The following NXPE1 variants were observed in gnomAD, a reference collection of about 807,000 sequenced individuals.
NXPE1 encodes the protein NXPE family member 1.
A neutral mutation model predicts 33.3 loss-of-function variants in NXPE1; 31 were observed. The observed-to-expected ratio is 0.93, with a 90% CI of 0.70 to 1.26. The LOEUF (loss-of-function observed/expected upper bound fraction) is 1.26, where lower values mean the gene tolerates loss of function less well. Ranked by LOEUF, NXPE1 falls within the 50% of genes most tolerant of loss-of-function variation. NXPE1 has a pLI of 0.00. For missense variants in NXPE1, 661 were observed against 655.6 expected, an observed-to-expected ratio of 1.01 and a Z score of -0.09; for synonymous variants, 229 against 231.4, an observed-to-expected ratio of 0.99 and a Z score of 0.09.
chr11:114,528,006 G>T, intron 6 of NXPE1, 105 bp from the exon 7 acceptor site: 1 of 714,608 alleles, frequency 1.4e-6, no homozygotes. Context: ...TTCTATAACT[G>T]GAAGCTGTTA....
At chr11:114,558,915 A>G (rs1202270253) in intron 1 of NXPE1, among the ~76,000 whole-genome samples, 3 of 152,200 alleles carry the variant, frequency 2.0e-5, no homozygotes, top group African/African-American at 7.2e-5. Flanking sequence ...CTGTAATTGT[A>G]GGGAATTAAA....
intron 5 of NXPE1, among the ~76,000 whole-genome samples, chr11:114,532,819 G>C (rs1271633288): frequency 2.6e-5 from 4 of 151,926 alleles, no homozygotes; most frequent in Non-Finnish European, 2.9e-5. Context: ...GTGAATTCAG[G>C]GTTGTAAAAA....
chr11:114,527,400 A>G (rs1157761319), intron 7 of NXPE1, among the ~76,000 whole-genome samples: 1 of 152,256 alleles, frequency 6.6e-6, no homozygotes, highest in Non-Finnish European at 1.5e-5. Flanking sequence ...TTCATAAGTA[A>G]CAGGGCTTTG....
downstream of NXPE1, among the ~76,000 whole-genome samples, chr11:114,521,336 C>T (rs1247619179): frequency 6.6e-6 from 1 of 152,186 alleles, no homozygotes; most frequent in Non-Finnish European, 1.5e-5. Flanking sequence ...TTTCAATTAA[C>T]TGCAGTCATT....
intron 5 of NXPE1, among the ~76,000 whole-genome samples, chr11:114,548,680 T>C (rs1352482297): frequency 6.6e-6 from 1 of 152,010 alleles, no homozygotes; most frequent in Non-Finnish European, 1.5e-5. Context: ...GTTAAGTTTA[T>C]AGCATTAAGT....
chr11:114,548,876 GAATAAAA>G (rs1384550187), intron 5 of NXPE1, among the ~76,000 whole-genome samples: 3 of 149,502 alleles, frequency 2.0e-5, no homozygotes, highest in Non-Finnish European at 4.5e-5. Flanking sequence ...TATTTTGAAA[GAATAAAA>G]AATAAAAAAA....
In NXPE1 at chr11:114,522,047, G is replaced by C. The variant is rs1485060592; in HGVS notation, c.1565C>G (p.Ala522Gly). The stretch of plus-strand genomic sequence containing the variant: ...TGGGTGGATAGTGTCAGTGCCATAT[G>C]CAATGGTCATGTCCCAGGCATCAAT... Residue 522 changes from alanine (A) to glycine (G), a missense_variant, in exon 9 of 9, where the codon GCA (alanine) becomes GGA (glycine). Transcript: ENST00000534921. The C allele has an allele frequency of 2.5e-6, 4 of 1,613,642 alleles. No individual in the cohort carries two copies. In the Admixed American group the frequency reaches 6.7e-5, roughly 27 times the overall value.
chr11:114,536,589 A>T (rs565844689), intron 5 of NXPE1, among the ~76,000 whole-genome samples: 133 of 152,328 alleles, frequency 8.7e-4, no homozygotes, highest in African/African-American at 3.0e-3. Context: ...ATAAAAAATG[A>T]CAAAGGGGAT....
chr11:114,554,226 A>G (rs1948597181), intron 1 of NXPE1: 1 of 979,214 alleles, frequency 1.0e-6, no homozygotes, highest in African/African-American at 1.8e-5. Context: ...TAGCCGAGAT[A>G]CACAACCTTT....
chr11:114,531,540 C>T lies in NXPE1; in HGVS notation c.100-632G>A, dbSNP rs78343324. Among the ~76,000 whole-genome samples, 464 of 152,302 alleles carry T rather than the reference C, an allele frequency of 3.0e-3. 4 individuals carry two copies. The highest frequency in any genetic ancestry group is 0.011 in the African/African-American group (448 of 41,562). ...GCAAAACTCTATTTGTGTCATCTCCCAACTTAACCCCCTTCAATGGCTTCT... is the reference window on the plus strand; with the variant it reads ...GCAAAACTCTATTTGTGTCATCTCCTAACTTAACCCCCTTCAATGGCTTCT... On this transcript the variant is annotated intron_variant, in intron 5 of 8. Transcript: ENST00000534921.
intron 5 of NXPE1, among the ~76,000 whole-genome samples, chr11:114,543,740 A>G (rs890124429): frequency 6.6e-6 from 1 of 152,184 alleles, no homozygotes; most frequent in Non-Finnish European, 1.5e-5. Flanking sequence ...CTAGTACAAT[A>G]AAACAAGAAG....
intron 5 of NXPE1, among the ~76,000 whole-genome samples, chr11:114,549,269 T>TA (rs1054538394): frequency 2.6e-5 from 4 of 152,020 alleles, no homozygotes; most frequent in Non-Finnish European, 5.9e-5. Flanking sequence ...AATCAATTCT[T>TA]ACGAAATAAG....
At chr11:114,523,771 T>A (rs1947286146) in intron 7 of NXPE1, among the ~76,000 whole-genome samples, 1 of 152,166 alleles carries the variant, frequency 6.6e-6, no homozygotes. Context: ...GGGCATCCAA[T>A]TTCTCCTGTC....
downstream of NXPE1, among the ~76,000 whole-genome samples, chr11:114,520,811 G>C (rs1565292670): frequency 6.6e-6 from 1 of 152,052 alleles, no homozygotes. Context: ...CTTCCAAATT[G>C]AGCATCTTTC....
intron 6 of NXPE1, 58 bp from the exon 7 acceptor site, chr11:114,527,959 G>T: frequency 7.6e-7 from 1 of 1,307,996 alleles, no homozygotes; most frequent in Non-Finnish European, 1.1e-6. Flanking sequence ...TAACACAGGT[G>T]AATCATCTGC....
At chr11:114,549,198 A>G (rs1948382667) in intron 5 of NXPE1, among the ~76,000 whole-genome samples, 1 of 152,038 alleles carries the variant, frequency 6.6e-6, no homozygotes, top group Non-Finnish European at 1.5e-5. Flanking sequence ...AGATCAGTCA[A>G]TCCCAATATT....
At chr11:114,530,054 C>T (rs1204350799) in intron 6 of NXPE1, 121 bp downstream of exon 6, 5 of 1,033,690 alleles carry the variant, frequency 4.8e-6, no homozygotes, top group African/African-American at 1.6e-5. Flanking sequence ...GAAGACACCA[C>T]ATGTCTTACC....
exon 6 of NXPE1, chr11:114,530,464 G>A (rs1420465657): frequency 6.2e-7 from 1 of 1,614,240 alleles, no homozygotes. Flanking sequence ...GGGTGGATGA[G>A]CAGCAGAGAC....
At position 114,522,521 on chromosome 11, in the gene NXPE1, A is replaced by T; in HGVS notation, c.1109-18T>A. ...CTTCAGTGCTGATAAAAAAACAAAT[A>T]GATGTTTTAAATAGAAGATAATGGT... On this transcript the variant is annotated intron_variant, in intron 8 of 8. Coordinates refer to ENST00000534921, the Ensembl canonical transcript of NXPE1. 1 of 1,546,664 alleles carries T rather than the reference A, an allele frequency of 6.5e-7. No individual in the cohort carries two copies. The highest frequency in any genetic ancestry group is 8.8e-7 in the Non-Finnish European group (1 of 1,141,152).
Sources: allele counts gnomAD v4.1 joint callset (sites outside exome capture counted in the v4.1 genomes callset), GRCh38; gene constraint gnomAD v4.1.1; transcripts MANE v1.5; gene names NCBI Gene and HGNC (gene_info 2026-07-23, HGNC 2026-07-21).